The following ABCA9 variants were observed in gnomAD, a reference collection of about 807,000 sequenced individuals.
The protein encoded by ABCA9 is ATP binding cassette subfamily A member 9.
In ABCA9, 183 loss-of-function variants were observed where a neutral mutation model predicts 205.3. The observed-to-expected ratio is 0.89, with a 90% CI of 0.79 to 1.01. ABCA9 has a LOEUF of 1.01. Among genes scored for constraint, ABCA9 ranks in the 50% least tolerant of loss-of-function variants. ABCA9 has a pLI of 0.00. For synonymous variants in ABCA9, 651 were observed against 683.3 expected (o/e 0.95, Z 0.74); for missense variants, 1,805 against 1,912.4 (o/e 0.94, Z 1.05).
the ABCA9 span, among the ~76,000 whole-genome samples, chr17:69,069,776 T>A: frequency 1.3e-5 from 2 of 152,170 alleles, no homozygotes; most frequent in Non-Finnish European, 2.9e-5. Flanking sequence ...ATAATCTTAA[T>A]AAAAACCCAT....
At chr17:69,037,983 T>C (rs534846880) in intron 6 of ABCA9, among the ~76,000 whole-genome samples, 2 of 152,206 alleles carry the variant, frequency 1.3e-5, no homozygotes, top group South Asian at 2.1e-4. Flanking sequence ...ATAGATAAAT[T>C]CCTGGACACC....
At chr17:69,021,661 G>A (rs2070810319) in intron 18 of ABCA9, 81 bp downstream of exon 18, 2 of 950,742 alleles carry the variant, frequency 2.1e-6, no homozygotes, top group Non-Finnish European at 3.1e-6. Flanking sequence ...TGCACACAAA[G>A]ATAAAATCTT....
chr17:68,992,940 G>T, intron 27 of ABCA9, 76 bp downstream of exon 27: 2 of 1,190,980 alleles, frequency 1.7e-6, no homozygotes, highest in Non-Finnish European at 2.4e-6. Flanking sequence ...TTAATTTGAT[G>T]CAATTCAGAG....
chr17:69,044,510 G>C lies in ABCA9; in HGVS notation c.560C>G (p.Ala187Gly). The change falls in exon 5 of 39, where the codon GCT (alanine) becomes GGT (glycine). Residue 187 changes from alanine to glycine, a missense_variant. Transcript: ENST00000340001. Reference sequence around the variant, plus strand: ...CTTTATACTCACTTCTATGATAGCAGCATTAATGGCAGCTTGAAAAGCTAC... The same window carrying C: ...CTTTATACTCACTTCTATGATAGCACCATTAATGGCAGCTTGAAAAGCTAC... Reference protein sequence around the residue: ...GFVAFQAAINAAIIEIATNHS... With the variant: ...GFVAFQAAINGAIIEIATNHS... 1 of 1,612,850 alleles carries C rather than the reference G, an allele frequency of 6.2e-7. No homozygotes were observed. Among genetic ancestry groups the C allele is most frequent in the Non-Finnish European group, 8.5e-7 (1 of 1,179,312 alleles).
At chr17:69,072,867 G>A in the ABCA9 span, among the ~76,000 whole-genome samples, 2 of 152,168 alleles carry the variant, frequency 1.3e-5, no homozygotes, top group East Asian at 3.9e-4. Flanking sequence ...CACATGCAAA[G>A]ACACACATAG....
At chr17:69,052,425 A>G (rs2071936499) in intron 1 of ABCA9, among the ~76,000 whole-genome samples, 1 of 152,106 alleles carries the variant, frequency 6.6e-6, no homozygotes, top group Non-Finnish European at 1.5e-5. Flanking sequence ...AAAAAGAAAA[A>G]ACAGTATAAG....
chr17:69,059,884 T>C (rs2072185861), intron 1 of ABCA9, among the ~76,000 whole-genome samples: 1 of 152,048 alleles, frequency 6.6e-6, no homozygotes, highest in African/African-American at 2.4e-5. Context: ...GCAGATGAGC[T>C]CCTAATAATC....
chr17:68,989,744 C>T (rs1271621276), intron 30 of ABCA9, 69 bp downstream of exon 30: 2 of 949,734 alleles, frequency 2.1e-6, no homozygotes, highest in Non-Finnish European at 3.3e-6. Context: ...GATTCAGATA[C>T]TCTTATTCCC....
chr17:68,986,926 T>G (rs1415565943), intron 31 of ABCA9, among the ~76,000 whole-genome samples: 1 of 152,108 alleles, frequency 6.6e-6, no homozygotes, highest in East Asian at 1.9e-4. Flanking sequence ...AATTCTGAAC[T>G]AAGAAATAAA....
the ABCA9 span, among the ~76,000 whole-genome samples, chr17:69,076,128 C>T: frequency 2.7e-4 from 41 of 152,172 alleles, no homozygotes; most frequent in African/African-American, 9.6e-4. Context: ...CATCTTTTGC[C>T]CATTCAGTAT....
chr17:69,007,144 G>A (rs4548939), intron 25 of ABCA9, among the ~76,000 whole-genome samples: 75,550 of 152,104 alleles, frequency 0.5, 22,318 homozygotes, highest in Non-Finnish European at 0.66. Context: ...GGCCAGGCAC[G>A]GTGGCTCACG....
Position 68,975,798 on chromosome 17 carries a change from A to G in ABCA9, c.*117T>C. ...GTAAGAAATACTACTGAGGATAATT[A>G]TTGCATGAGTTTCAAATGCATTTTG... On this transcript the variant is annotated 3_prime_UTR_variant, in exon 39 of 39. Coordinates refer to ENST00000340001, the MANE Select transcript of ABCA9 (RefSeq NM_080283.4). 2.6e-6 allele frequency: 2 copies of G among 782,364 alleles called. No individual in the cohort carries two copies. The highest frequency in any genetic ancestry group is 4.2e-6 in the Non-Finnish European group (2 of 478,734). 48.5% of individuals were successfully genotyped at this position (782,364 alleles called of 1,614,324 possible). A position where few individuals can be genotyped will look rare whatever the true frequency, so the allele number is the denominator to read the frequency against.
At chr17:69,060,072 G>C (rs924286563) in intron 1 of ABCA9, among the ~76,000 whole-genome samples, 4 of 152,034 alleles carry the variant, frequency 2.6e-5, no homozygotes, top group African/African-American at 9.7e-5. Flanking sequence ...AAATATTTGT[G>C]AATAAAAAAC....
At position 69,059,712 on chromosome 17, in the gene ABCA9, G is replaced by T. The variant is rs375151113; in HGVS notation, c.-14+1154C>A. ...GCAGCAATAGAAAGTTAACATGGGG[G>T]CAGGGTTGGGGGAAGGAGTCCGAGA... On this transcript the variant is annotated intron_variant, in intron 1 of 38. Coordinates refer to ENST00000340001, the MANE Select transcript of ABCA9 (RefSeq NM_080283.4). 3.1e-4 allele frequency among the ~76,000 whole-genome samples: 47 copies of T among 151,688 alleles called. No homozygotes were observed. The East Asian group carries it at 3.7e-3, about 12-fold the overall frequency.
chr17:68,977,732 C>T (rs1008562980), intron 37 of ABCA9, among the ~76,000 whole-genome samples: 1 of 152,220 alleles, frequency 6.6e-6, no homozygotes, highest in Non-Finnish European at 1.5e-5. Context: ...AAGTGTATTG[C>T]ACCTGAGAAT....
intron 31 of ABCA9, among the ~76,000 whole-genome samples, chr17:68,988,791 A>G (rs2069335221): frequency 6.6e-6 from 1 of 152,236 alleles, no homozygotes; most frequent in South Asian, 2.1e-4. Flanking sequence ...TAAGGAAGAT[A>G]TATTTCCTTT....
intron 29 of ABCA9, 89 bp from the exon 30 acceptor site, chr17:68,990,019 T>C: frequency 1.1e-6 from 1 of 920,458 alleles, no homozygotes; most frequent in Non-Finnish European, 1.7e-6. Context: ...CCTTTCCTTA[T>C]AAAAAATCAT....
intron 25 of ABCA9, 85 bp downstream of exon 25, chr17:69,007,674 T>C: frequency 1.2e-6 from 1 of 847,934 alleles, no homozygotes; most frequent in East Asian, 2.5e-5. Context: ...CAATAATAAT[T>C]TGCCACTCTG....
At chr17:69,077,002 T>C in the ABCA9 span, among the ~76,000 whole-genome samples, 1 of 152,082 alleles carries the variant, frequency 6.6e-6, no homozygotes, top group Non-Finnish European at 1.5e-5. Context: ...TTTTTGGGCC[T>C]CAATTTTGTT....
Sources: allele counts gnomAD v4.1 joint callset (sites outside exome capture counted in the v4.1 genomes callset), GRCh38; gene constraint gnomAD v4.1.1; transcripts MANE v1.5; gene names NCBI Gene and HGNC (gene_info 2026-07-23, HGNC 2026-07-21).